The following KAZN variants were observed in gnomAD, a reference collection of about 807,000 sequenced individuals.
The protein encoded by KAZN is kazrin, periplakin interacting protein.
KAZN carries 40 observed loss-of-function variants against 87.4 expected under a neutral mutation model. The observed-to-expected ratio is 0.46, with a 90% confidence interval of 0.36 to 0.60. KAZN has a LOEUF of 0.60. Among genes scored for constraint, KAZN ranks in the 20% least tolerant of loss-of-function variants. The pLI, the probability that KAZN is intolerant of heterozygous loss-of-function variation, is 0.00. For synonymous variants in KAZN, 466 were observed against 458.3 expected (o/e 1.02, Z -0.22); for missense variants, 898 against 1,073.9 (o/e 0.84, Z 2.29).
chr1:14,612,838 G>C (rs1433121931), intron 1 of KAZN, among the ~76,000 whole-genome samples: 1 of 152,192 alleles, frequency 6.6e-6, no homozygotes, highest in Non-Finnish European at 1.5e-5. Flanking sequence ...TGGTTTAAGG[G>C]ACTAACATAC....
intron 2 of KAZN, among the ~76,000 whole-genome samples, chr1:15,027,242 G>A (rs866365191): frequency 5.3e-5 from 8 of 151,806 alleles, no homozygotes; most frequent in South Asian, 2.1e-4. Flanking sequence ...CACCACTCCC[G>A]GCTAATTTTT....
intron 2 of KAZN, among the ~76,000 whole-genome samples, chr1:14,300,007 T>C (rs1654428076): frequency 6.6e-6 from 1 of 151,914 alleles, no homozygotes; most frequent in Admixed American, 6.6e-5. Context: ...GGAGGGGGAA[T>C]ATTGGAGCTG....
intron 1 of KAZN, among the ~76,000 whole-genome samples, chr1:14,712,175 A>G (rs1446232375): frequency 1.3e-5 from 2 of 152,236 alleles, no homozygotes; most frequent in South Asian, 2.1e-4. Context: ...GCAGGGAGGC[A>G]GTCTCTAATT....
chr1:14,205,884 CAA>C (rs70997121), intron 2 of KAZN, among the ~76,000 whole-genome samples: 7 of 35,214 alleles, frequency 2.0e-4, no homozygotes, highest in African/African-American at 5.5e-4. Context: ...GACACTGTCT[CAA>C]AAAAAAAAAA....
At chr1:14,247,179 C>T (rs867891171) in intron 2 of KAZN, among the ~76,000 whole-genome samples, 5 of 152,032 alleles carry the variant, frequency 3.3e-5, no homozygotes, top group African/African-American at 7.2e-5. Flanking sequence ...TTTAAAAATA[C>T]GGATTTTTAA....
chr1:14,365,087 A>T (rs1342181855), intron 2 of KAZN, among the ~76,000 whole-genome samples: 1 of 149,438 alleles, frequency 6.7e-6, no homozygotes, highest in Non-Finnish European at 1.5e-5. Context: ...TCTGTTGCCC[A>T]GACTGGAGTG....
At chr1:14,339,004 G>A (rs971249258) in intron 2 of KAZN, among the ~76,000 whole-genome samples, 5 of 147,368 alleles carry the variant, frequency 3.4e-5, no homozygotes, top group South Asian at 2.2e-4. Flanking sequence ...GTCACAGTTC[G>A]ATTGCCCAGA....
intron 2 of KAZN, among the ~76,000 whole-genome samples, chr1:14,258,739 G>C (rs1027764251): frequency 1.3e-5 from 2 of 152,158 alleles, no homozygotes; most frequent in Non-Finnish European, 2.9e-5. Context: ...AGCTCTGCCT[G>C]CTACCTGTCT....
chr1:14,510,343 A>C (rs1465292124), intron 2 of KAZN, among the ~76,000 whole-genome samples: 1 of 150,044 alleles, frequency 6.7e-6, no homozygotes, highest in East Asian at 2.0e-4. Flanking sequence ...GCGCCATTGC[A>C]CTCCAGCCTG....
intron 1 of KAZN, among the ~76,000 whole-genome samples, chr1:14,128,177 A>G (rs144717912): frequency 3.3e-5 from 5 of 152,226 alleles, no homozygotes; most frequent in Admixed American, 2.0e-4. Context: ...TTGGGGGCAA[A>G]GCAGTTTCTC....
rs368024413 is a variant in KAZN at position 14,888,176 on chromosome 1, C to T, written c.227-72508C>T. ...TATTGTGAAGTCCACAGTGAGCGTGCCTCGCCGGAGCGGTGCTTTCAGAGG... is the reference window on the plus strand; with the variant it reads ...TATTGTGAAGTCCACAGTGAGCGTGTCTCGCCGGAGCGGTGCTTTCAGAGG... On this transcript the variant is annotated intron_variant, in intron 1 of 14. Transcript: ENST00000376030. Among the ~76,000 whole-genome samples, 16 of 152,278 alleles carry T rather than the reference C, an allele frequency of 1.1e-4. 1 individual carries two copies. The highest frequency in any genetic ancestry group is 2.6e-4 in the African/African-American group (11 of 41,572).
chr1:15,100,399 C>G (rs938153013), intron 10 of KAZN, among the ~76,000 whole-genome samples: 1 of 152,144 alleles, frequency 6.6e-6, no homozygotes, highest in Admixed American at 6.5e-5. Context: ...CTTTGCAAGC[C>G]CACCACTTTC....
chr1:14,583,704 T>G (rs1186633399), intron 2 of KAZN, among the ~76,000 whole-genome samples: 2 of 152,218 alleles, frequency 1.3e-5, no homozygotes, highest in African/African-American at 2.4e-5. Context: ...CTGATATTCC[T>G]GGTCTTGGCA....
intron 2 of KAZN, among the ~76,000 whole-genome samples, chr1:14,493,688 C>A (rs554249279): frequency 2.3e-4 from 35 of 152,266 alleles, no homozygotes; most frequent in South Asian, 4.1e-4. Context: ...TACATCTTCT[C>A]CAATTCCATG....
intron 1 of KAZN, among the ~76,000 whole-genome samples, chr1:14,048,240 A>G (rs971832094): frequency 1.3e-5 from 2 of 152,172 alleles, no homozygotes; most frequent in African/African-American, 2.4e-5. Context: ...CCAATCAACA[A>G]TTCTGGCCAA....
At chr1:15,073,758 C>T (rs1036706426) in intron 8 of KAZN, among the ~76,000 whole-genome samples, 1 of 152,218 alleles carries the variant, frequency 6.6e-6, no homozygotes, top group Non-Finnish European at 1.5e-5. Flanking sequence ...CCATCCGACT[C>T]CTCCTGACCT....
chr1:14,223,329 T>C (rs1315593035), intron 2 of KAZN, among the ~76,000 whole-genome samples: 1 of 152,228 alleles, frequency 6.6e-6, no homozygotes, highest in African/African-American at 2.4e-5. Context: ...AATCCAGCTA[T>C]AGTAGGCTTT....
intron 1 of KAZN, among the ~76,000 whole-genome samples, chr1:14,648,536 C>T (rs1680981435): frequency 6.6e-6 from 1 of 152,054 alleles, no homozygotes; most frequent in Admixed American, 6.6e-5. Flanking sequence ...CTCTCTGTCC[C>T]TTAGATGAGA....
At position 14,706,744 on chromosome 1, in the gene KAZN, G is replaced by A. The variant is rs1296212566; in HGVS notation, c.226+107521G>A. On this transcript the variant is annotated intron_variant, in intron 1 of 14. Coordinates refer to ENST00000376030, the MANE Select transcript of KAZN (RefSeq NM_201628.3). ...AAGGAGACACACTCAGCACATAACA[G>A]TTTCTCCACACCTTTTAGTAAGCAC... is the stretch of plus-strand genomic sequence containing the variant. Among the ~76,000 whole-genome samples the A allele has an allele frequency of 2.6e-5, 4 of 152,196 alleles. No homozygotes were observed. In the East Asian group the frequency reaches 7.7e-4, roughly 29 times the overall value.
Sources: gnomAD v4.1 joint callset for allele counts (sites outside exome capture counted in the v4.1 genomes callset) on GRCh38, gnomAD v4.1.1 for gene constraint, MANE v1.5 for transcripts, NCBI Gene and HGNC (gene_info 2026-07-23, HGNC 2026-07-21) for gene names.